The following AFF2 variants were observed in gnomAD, a reference collection of about 807,000 sequenced individuals.
AFF2 encodes the protein ALF transcription elongation factor 2.
AFF2 carries 14 observed loss-of-function variants against 76.9 expected under a neutral mutation model. The ratio of observed to expected loss-of-function variants is 0.18; its 90% CI spans 0.12 to 0.28. The LOEUF (loss-of-function observed/expected upper bound fraction) is 0.28, where lower values mean the gene tolerates loss of function less well. AFF2 is among the 10% of genes least tolerant of loss of function. The pLI is 1.00. For synonymous variants in AFF2, 398 were observed against 366.7 expected (o/e 1.09, Z -0.98); for missense variants, 868 against 1,001.1 (o/e 0.87, Z 1.79).
At chrX:148,610,393 T>C (rs1158491639) in intron 1 of AFF2, among the ~76,000 whole-genome samples, 1 of 111,878 alleles carries the variant, frequency 8.9e-6, no homozygotes, top group Non-Finnish European at 1.9e-5. Context: ...GTATTCCATA[T>C]TTAATGATAT....
At chrX:148,878,346 T>A (rs782641010) in intron 7 of AFF2, among the ~76,000 whole-genome samples, 3 of 111,786 alleles carry the variant, frequency 2.7e-5, no homozygotes, top group Non-Finnish European at 5.6e-5. Flanking sequence ...TTCTGAAATG[T>A]CTCTAGAATC....
rs1224674309 is a variant in AFF2, at chrX:148,690,069, G to T, written c.1041+27301G>T. The stretch of plus-strand genomic sequence containing the variant: ...CAGGTATTTTCAGCCTGGCCTGACA[G>T]CCCATCTTATGGAAGGCCTGTTTGA... On this transcript the variant is annotated intron_variant, in intron 3 of 20. Coordinates refer to ENST00000370460, the MANE Select transcript of AFF2 (RefSeq NM_002025.4). Among the ~76,000 whole-genome samples, 8 of 112,054 alleles carry T rather than the reference G, an allele frequency of 7.1e-5. No homozygotes were observed. The East Asian group carries it at 2.3e-3, about 32-fold the overall frequency.
intron 1 of AFF2, among the ~76,000 whole-genome samples, chrX:148,636,963 C>T (rs2054037950): frequency 8.9e-6 from 1 of 111,822 alleles, no homozygotes; most frequent in South Asian, 3.7e-4. Flanking sequence ...ACATTAATCC[C>T]GGAATAGTGC....
chrX:148,530,103 C>A (rs1312253032), intron 1 of AFF2, among the ~76,000 whole-genome samples: 1 of 111,342 alleles, frequency 9.0e-6, no homozygotes, highest in East Asian at 2.8e-4. Context: ...TGTGGCAATA[C>A]CTGTGCCTAC....
chrX:148,883,917 C>T (rs1462763524), intron 7 of AFF2, among the ~76,000 whole-genome samples: 1 of 110,663 alleles, frequency 9.0e-6, no homozygotes, highest in African/African-American at 3.3e-5. Context: ...AATTATTTAC[C>T]ATTTCTTTTG....
chrX:148,897,226 T>A (rs1482981279), intron 8 of AFF2, among the ~76,000 whole-genome samples: 18 of 8,328 alleles, frequency 2.2e-3, no homozygotes, highest in African/African-American at 9.0e-3. Context: ...GTCCACTATA[T>A]ATATATATAT....
At chrX:148,853,580 T>C (rs1474728766) in intron 7 of AFF2, among the ~76,000 whole-genome samples, 1 of 112,207 alleles carries the variant, frequency 8.9e-6, no homozygotes, top group Non-Finnish European at 1.9e-5. Flanking sequence ...AGGAAAGTCA[T>C]GCCCAGGTGA....
At chrX:148,770,198 C>T (rs1421826309) in intron 3 of AFF2, among the ~76,000 whole-genome samples, 2 of 111,611 alleles carry the variant, frequency 1.8e-5, no homozygotes, top group Non-Finnish European at 3.8e-5. Context: ...GCATGATATT[C>T]ACACAAGCAT....
intron 1 of AFF2, among the ~76,000 whole-genome samples, chrX:148,636,677 A>G (rs781993327): frequency 1.8e-5 from 2 of 112,038 alleles, no homozygotes; most frequent in Admixed American, 9.5e-5. Context: ...TTGGCTAGCA[A>G]TTTTCCAAGA....
chrX:148,844,868 A>G (rs2070645681), intron 7 of AFF2, among the ~76,000 whole-genome samples: 1 of 111,810 alleles, frequency 8.9e-6, no homozygotes, highest in Admixed American at 9.5e-5. Context: ...AAGAATTCTC[A>G]ATTTTAAGAA....
chrX:148,592,292 G>A (rs1236918104), intron 1 of AFF2, among the ~76,000 whole-genome samples: 1 of 111,437 alleles, frequency 9.0e-6, no homozygotes, highest in Non-Finnish European at 1.9e-5. Flanking sequence ...ATAGCAGCTA[G>A]GTGAGGGCCA....
chrX:148,611,698 G>A (rs1048932518), intron 1 of AFF2, among the ~76,000 whole-genome samples: 2 of 111,000 alleles, frequency 1.8e-5, no homozygotes, highest in African/African-American at 6.6e-5. Context: ...TCCATCTTGG[G>A]AGGCTCCAGT....
chrX:148,777,889 T>G (rs896834680), intron 3 of AFF2, among the ~76,000 whole-genome samples: 2 of 112,216 alleles, frequency 1.8e-5, no homozygotes, highest in Non-Finnish European at 3.8e-5. Context: ...CAACACTATG[T>G]TGAATAGGAG....
intron 1 of AFF2, among the ~76,000 whole-genome samples, chrX:148,644,534 A>G (rs1164022883): frequency 8.9e-6 from 1 of 112,289 alleles, no homozygotes; most frequent in Non-Finnish European, 1.9e-5. Context: ...TAAACAAGGA[A>G]TCAACAGATA....
chrX:148,741,016 C>T (rs2055344349), intron 3 of AFF2, among the ~76,000 whole-genome samples: 2 of 112,000 alleles, frequency 1.8e-5, no homozygotes, highest in Admixed American at 1.9e-4. Flanking sequence ...ATGGGTCTCT[C>T]ACCCGTGGAT....
chrX:148,575,673 A>G (rs1260365215), intron 1 of AFF2, among the ~76,000 whole-genome samples: 2 of 110,166 alleles, frequency 1.8e-5, no homozygotes, highest in African/African-American at 6.6e-5. Context: ...TACTGGTGTA[A>G]ATCTCTCTAA....
intron 1 of AFF2, among the ~76,000 whole-genome samples, chrX:148,502,037 G>C (rs2052359469): frequency 8.9e-6 from 1 of 111,902 alleles, no homozygotes; most frequent in Non-Finnish European, 1.9e-5. Context: ...GTGCGCGTGT[G>C]CATAAATACT....
rs57366070 is a variant in AFF2, at chrX:148,537,545, G to GT, written c.47+36413dup. ...TTGTTTCTAAATTTTGATTTTTTAAGTTTTTTTTTTTTCTTTCTAGCTAAT... is the reference window on the plus strand; with the variant it reads ...TTGTTTCTAAATTTTGATTTTTTAAGTTTTTTTTTTTTTCTTTCTAGCTAAT... On this transcript the variant is annotated intron_variant, in intron 1 of 20. Coordinates refer to ENST00000370460, the MANE Select transcript of AFF2 (RefSeq NM_002025.4). Among the ~76,000 whole-genome samples, 653 of 103,446 alleles carry GT rather than the reference G, an allele frequency of 6.3e-3. 6 individuals are homozygous for GT. Among genetic ancestry groups the GT allele is most frequent in the African/African-American group, 0.021 (598 of 28,542 alleles). 89.8% of individuals were successfully genotyped at this position (103,446 alleles called of 115,157 possible).
chrX:148,765,946 G>T (rs1220141315), intron 3 of AFF2, among the ~76,000 whole-genome samples: 44 of 101,543 alleles, frequency 4.3e-4, no homozygotes, highest in African/African-American at 1.4e-3. Context: ...TGAGTGAGAA[G>T]ATGTGGTGTT....
Sources: allele counts gnomAD v4.1 joint callset (sites outside exome capture counted in the v4.1 genomes callset), GRCh38; gene constraint gnomAD v4.1.1; transcripts MANE v1.5; gene names NCBI Gene and HGNC (gene_info 2026-07-23, HGNC 2026-07-21).